The following LEPR variants were observed in gnomAD, a reference collection of about 807,000 sequenced individuals.
The protein encoded by LEPR is OB receptor.
In LEPR, 56 loss-of-function variants were observed where a neutral mutation model predicts 114.7. The observed-to-expected ratio is 0.49, with a 90% CI of 0.39 to 0.61. The LOEUF is 0.61. Among genes scored for constraint, LEPR ranks in the 20% least tolerant of loss-of-function variants. The pLI, the probability that LEPR is intolerant of heterozygous loss-of-function variation, is 0.00. For synonymous variants in LEPR, 443 were observed against 461.4 expected, an observed-to-expected ratio of 0.96 and a Z score of 0.51; for missense variants, 1,202 against 1,352.9, an observed-to-expected ratio of 0.89 and a Z score of 1.75.
At chr1:65,601,202 A>G (rs1380348184) in intron 8 of LEPR, among the ~76,000 whole-genome samples, 190 bp from the exon 9 acceptor site, 2 of 152,016 alleles carry the variant, frequency 1.3e-5, no homozygotes, top group Non-Finnish European at 2.9e-5. Context: ...TCACTTTAGA[A>G]TGAGAGCACT....
Position 65,634,533 on chromosome 1 carries a change from T to A in LEPR, c.2674-1658T>A, listed in dbSNP as rs1447305132. The A allele has an allele frequency of 3.2e-6, 3 of 938,946 alleles. No individual in the cohort carries two copies. In the African/African-American group the frequency reaches 5.3e-5, roughly 17 times the overall value. The allele number at this position is 938,946 out of a possible 1,614,324, so 58.2% of individuals were successfully genotyped here. A position where few individuals can be genotyped will look rare whatever the true frequency, so the allele number is the denominator to read the frequency against. ...ACTGACAAAACATATTTCAATAGTA[T>A]ATGAGTATGAGATTTCTTATCAATT... On this transcript the variant is annotated intron_variant, in intron 19 of 19. Coordinates refer to ENST00000349533, the MANE Select transcript of LEPR (RefSeq NM_002303.6).
chr1:65,445,140 G>A (rs766585414), intron 2 of LEPR, among the ~76,000 whole-genome samples: 1 of 152,146 alleles, frequency 6.6e-6, no homozygotes, highest in African/African-American at 2.4e-5. Context: ...ACCATCTTGG[G>A]TACATCCAAG....
intron 2 of LEPR, among the ~76,000 whole-genome samples, chr1:65,512,708 T>A (rs1485746619): frequency 1.3e-5 from 2 of 152,182 alleles, no homozygotes. Context: ...TTGCTTATTC[T>A]GGCCCTGCCT....
chr1:65,622,849 C>A, intron 18 of LEPR, 57 bp from the exon 19 acceptor site: 1 of 1,584,906 alleles, frequency 6.3e-7, no homozygotes, highest in Non-Finnish European at 8.6e-7. Context: ...ACTAACTGTT[C>A]ACATTTTCAA....
chr1:65,445,836 G>A (rs77451629), intron 2 of LEPR, among the ~76,000 whole-genome samples: 2,485 of 152,064 alleles, frequency 0.016, 43 homozygotes, highest in Non-Finnish European at 0.026. Flanking sequence ...CTGCTAACAG[G>A]AACAGGTGAA....
At chr1:65,448,645 G>C (rs1646742027) in intron 2 of LEPR, among the ~76,000 whole-genome samples, 1 of 152,212 alleles carries the variant, frequency 6.6e-6, no homozygotes, top group Middle Eastern at 3.4e-3. Flanking sequence ...AAACTATCTA[G>C]GCCTTGTGCT....
At chr1:65,620,813 C>T (rs982038769) in intron 17 of LEPR, among the ~76,000 whole-genome samples, 1 of 152,130 alleles carries the variant, frequency 6.6e-6, no homozygotes, top group Non-Finnish European at 1.5e-5. Flanking sequence ...TATACATTGC[C>T]ATTTCACTTA....
At chr1:65,482,956 C>A (rs543262986) in intron 2 of LEPR, among the ~76,000 whole-genome samples, 1 of 150,750 alleles carries the variant, frequency 6.6e-6, no homozygotes, top group Non-Finnish European at 1.5e-5. Flanking sequence ...CCACTACACT[C>A]CAGCCTGGGT....
At position 65,490,469 on chromosome 1, in the gene LEPR, C is replaced by T. The variant is rs572045746; in HGVS notation, c.-21+65091C>T. On this transcript the variant is annotated intron_variant, in intron 2 of 19. Transcript: ENST00000349533. The stretch of plus-strand genomic sequence containing the variant: ...TACCAGGCTTCTTTTCCTGTGAGAG[C>T]AAATTCCCTTGGACTTCTTAAATTT... 2.6e-5 allele frequency among the ~76,000 whole-genome samples: 4 copies of T among 152,140 alleles called. No homozygotes were observed. In the East Asian group the frequency reaches 7.7e-4, roughly 29 times the overall value.
At chr1:65,532,461 C>T (rs1244883129) in intron 2 of LEPR, among the ~76,000 whole-genome samples, 2 of 152,028 alleles carry the variant, frequency 1.3e-5, no homozygotes, top group African/African-American at 4.8e-5. Context: ...GGTAATATGA[C>T]CCAGTAATTC....
At chr1:65,559,933 A>G (rs1473964832) in intron 2 of LEPR, among the ~76,000 whole-genome samples, 1 of 144,880 alleles carries the variant, frequency 6.9e-6, no homozygotes, top group Admixed American at 6.7e-5. Flanking sequence ...TACCAGTACC[A>G]TGCTGTTTTG....
At chr1:65,588,806 A>G (rs1265318748) in intron 5 of LEPR, among the ~76,000 whole-genome samples, 4 of 152,116 alleles carry the variant, frequency 2.6e-5, no homozygotes, top group Non-Finnish European at 4.4e-5. Context: ...AAATGGTTAT[A>G]TTGCAATTTG....
At chr1:65,481,534 A>C (rs905805655) in intron 2 of LEPR, among the ~76,000 whole-genome samples, 1 of 152,132 alleles carries the variant, frequency 6.6e-6, no homozygotes, top group African/African-American at 2.4e-5. Flanking sequence ...ATATTACTTT[A>C]GTTGTATCAG....
At chr1:65,605,369 G>A (rs546866234) in intron 11 of LEPR, 132 bp downstream of exon 11, 2 of 1,125,314 alleles carry the variant, frequency 1.8e-6, no homozygotes, top group East Asian at 4.9e-5. Context: ...TGTTTACAGT[G>A]GTATTGAGAA....
chr1:65,525,769 C>T, intron 2 of LEPR: 4 of 986,180 alleles, frequency 4.1e-6, no homozygotes, highest in South Asian at 4.7e-5. Flanking sequence ...GCCCGAGCCC[C>T]GGCGCCGCCG....
chr1:65,491,069 C>G (rs75207459), intron 2 of LEPR, among the ~76,000 whole-genome samples: 6,377 of 152,116 alleles, frequency 0.042, 432 homozygotes, highest in African/African-American at 0.14. Flanking sequence ...ATCTTGAACA[C>G]AAGACTCCAA....
intron 2 of LEPR, among the ~76,000 whole-genome samples, chr1:65,548,396 T>G (rs983180580): frequency 1.2e-4 from 19 of 152,302 alleles, no homozygotes; most frequent in African/African-American, 4.6e-4. Context: ...CTGTCTAATG[T>G]TGACAGTGGG....
At position 65,570,728 on chromosome 1, in the gene LEPR, G is replaced by T. The variant is rs548848340; in HGVS notation, c.296G>T (p.Cys99Phe). 2 of 1,609,092 alleles carry T rather than the reference G, an allele frequency of 1.2e-6. No individual in the cohort carries two copies. Among genetic ancestry groups the T allele is most frequent in the Non-Finnish European group, 1.7e-6 (2 of 1,176,488 alleles). The change falls in exon 4 of 20, where the codon TGC becomes TTC. Residue 99 changes from cysteine to phenylalanine, a missense_variant. By Grantham distance (205) the Cys-to-Phe change is radical. Coordinates refer to ENST00000349533, the MANE Select transcript of LEPR (RefSeq NM_002303.6). ...TTTCGGAGTGAGCAAGATAGAAACT[G>T]CTCCTTATGTGCAGACAACATTGAA... Reference protein sequence around the residue: ...CCFRSEQDRNCSLCADNIEGK... With the variant: ...CCFRSEQDRNFSLCADNIEGK...
chr1:65,425,228 C>A, intron 1 of LEPR, 75 bp from the exon 2 acceptor site: 1 of 1,277,928 alleles, frequency 7.8e-7, no homozygotes, highest in Non-Finnish European at 1.1e-6. Flanking sequence ...GAAGTCACTC[C>A]CCATTTCCCC....
Sources: allele counts gnomAD v4.1 joint callset (sites outside exome capture counted in the v4.1 genomes callset), GRCh38; gene constraint gnomAD v4.1.1; transcripts MANE v1.5; gene names NCBI Gene and HGNC (gene_info 2026-07-23, HGNC 2026-07-21).